CEACAM4: variants seen among roughly 807,000 people sequenced by gnomAD.
The protein encoded by CEACAM4 is CEA cell adhesion molecule 4, also known as cell adhesion molecule CEACAM4.
In CEACAM4, 30 loss-of-function variants were observed where a neutral mutation model predicts 28.7. That is an observed-to-expected ratio of 1.05 (90% CI 0.78 to 1.42). The LOEUF (loss-of-function observed/expected upper bound fraction) is 1.42, where lower values mean the gene tolerates loss of function less well. CEACAM4 is among the 40% of genes most tolerant of loss of function. CEACAM4 has a pLI of 0.00. For missense variants in CEACAM4, 330 were observed against 308.2 expected, an observed-to-expected ratio of 1.07 and a Z score of -0.53; for synonymous variants, 143 against 126.5, an observed-to-expected ratio of 1.13 and a Z score of -0.87.
At chr19:41,617,173 T>C (rs12983687), downstream of CEACAM4, among the ~76,000 whole-genome samples, 57,184 of 151,972 alleles carry the variant, frequency 0.38, 11,079 homozygotes, top group African/African-American at 0.45. Flanking sequence ...CTGATGTCCA[T>C]GAACTATTGA....
Position 41,625,914 on chromosome 19 carries a change from A to G in CEACAM4, c.111T>C (p.Thr37=). The G allele has an allele frequency of 1.2e-6, 2 of 1,613,730 alleles. No homozygotes were observed. The highest frequency in any genetic ancestry group is 1.7e-6 in the Non-Finnish European group (2 of 1,179,790). The change falls in exon 2 of 7, where the codon ACT becomes ACC. Residue 37 remains threonine, a synonymous_variant. Coordinates refer to ENST00000221954, the MANE Select transcript of CEACAM4 (RefSeq NM_001817.4). ...CAGCACTGGACGGCAGGGCTTCAAT[A>G]GTGAACTGGACAGTGGTGGGCGGGT... is the stretch of plus-strand genomic sequence containing the variant. ...FWHPPTTVQF[T]IEALPSSAAE...
chr19:41,626,063 AGTGTGTGTGTGTGTGTGTGTGTGT>A (rs61710351), intron 1 of CEACAM4, 103 bp from the exon 2 acceptor site: 86,378 of 652,396 alleles, frequency 0.13, 3,393 homozygotes, highest in East Asian at 0.34. Context: ...TCAGCCTTGG[AGTGTGTGTGTGTGTGTGTGTGTGT>A]GTGTGTGTGT....
intron 2 of CEACAM4, among the ~76,000 whole-genome samples, chr19:41,622,530 C>T (rs1291008977): frequency 6.6e-6 from 1 of 152,168 alleles, no homozygotes; most frequent in Non-Finnish European, 1.5e-5. Context: ...ACCTACAGCT[C>T]ATCTCATCCT....
rs186620386 is a variant in CEACAM4, at chr19:41,623,301, G to A, written c.425-1533C>T. On this transcript the variant is annotated intron_variant, in intron 2 of 6. Transcript: ENST00000221954. ...CCAAATGCTGGGATTACAGGCATGAGCCACCGCTCCTGGCCCCAGAGTTGT... is the reference window on the plus strand; with the variant it reads ...CCAAATGCTGGGATTACAGGCATGAACCACCGCTCCTGGCCCCAGAGTTGT... Among the ~76,000 whole-genome samples, 342 of 152,232 alleles carry A rather than the reference G, an allele frequency of 2.2e-3. 2 individuals carry two copies. The highest frequency in any genetic ancestry group is 0.016 in the South Asian group (76 of 4,824).
At chr19:41,624,161 TAC>T (rs1555802871) in intron 2 of CEACAM4, among the ~76,000 whole-genome samples, 1 of 152,128 alleles carries the variant, frequency 6.6e-6, no homozygotes, top group East Asian at 1.9e-4. Flanking sequence ...ATAAGAGAAC[TAC>T]AGAGTGTGTG....
rs782557399 is a variant in CEACAM4 at position 41,619,594 on chromosome 19, C to G, written c.669+76G>C. ...CACTGCATTTTCCTGAATCTGAGCTCAGCCAGGTGCTGGTGGGGGCAGATC... is the reference window on the plus strand; with the variant it reads ...CACTGCATTTTCCTGAATCTGAGCTGAGCCAGGTGCTGGTGGGGGCAGATC... On this transcript the variant is annotated intron_variant, in intron 6 of 6. Transcript: ENST00000221954. 9 of 1,562,956 alleles carry G rather than the reference C, an allele frequency of 5.8e-6. No individual in the cohort carries two copies. In the Admixed American group the frequency reaches 7.8e-5, roughly 14 times the overall value.
At chr19:41,618,071 T>C (rs74451127), downstream of CEACAM4, among the ~76,000 whole-genome samples, 1,368 of 120,246 alleles carry the variant, frequency 0.011, 24 homozygotes, top group African/African-American at 0.038. Flanking sequence ...AGCTCACTTG[T>C]GGGAAGGTGG....
At chr19:41,621,823 C>A in intron 2 of CEACAM4, 55 bp from the exon 3 acceptor site, 2 of 1,032,074 alleles carry the variant, frequency 1.9e-6, no homozygotes, top group Non-Finnish European at 3.0e-6. Context: ...CAAGGGAAAC[C>A]ATAAGAGGCA....
In CEACAM4 at chr19:41,621,676, AAC is replaced by A; in HGVS notation, c.515_516del (p.Cys172PhefsTer15). On this transcript the variant is annotated frameshift_variant, in exon 3 of 7. Transcript: ENST00000221954. LOFTEE classifies it high-confidence loss of function. Reference sequence around the variant, plus strand: ...CTTCCAGTCCTGGAGAGAAGCAGAAAACACACCAGGGCGGCCACCAGAGCCAC... The same window carrying A: ...CTTCCAGTCCTGGAGAGAAGCAGAAAACACCAGGGCGGCCACCAGAGCCAC... ...VGVALVAALV[C>X]FLLLSRTGRA... 1.2e-6 allele frequency: 2 copies of A among 1,609,310 alleles called. No individual in the cohort carries two copies. The highest frequency in any genetic ancestry group is 1.7e-6 in the Non-Finnish European group (2 of 1,175,702).
Position 41,626,891 on chromosome 19 carries a change from T to C in CEACAM4, c.64+9A>G, listed in dbSNP as rs782161586. 1 of 1,610,864 alleles carries C rather than the reference T, an allele frequency of 6.2e-7. No homozygotes were observed. Among genetic ancestry groups the C allele is most frequent in the Admixed American group, 1.7e-5 (1 of 59,872 alleles). On this transcript the variant is annotated intron_variant, in intron 1 of 6. Transcript: ENST00000221954. ...TCTTCCCACCACTCCCAGAGAGTCC[T>C]CCCCTCACCTGTGATCAGGAGCCCC...
intron 2 of CEACAM4, 105 bp downstream of exon 2, chr19:41,625,496 G>A: frequency 1.5e-6 from 2 of 1,371,582 alleles, no homozygotes; most frequent in Admixed American, 4.5e-5. Flanking sequence ...TCTCAACACG[G>A]GACAAAATGC....
downstream of CEACAM4, among the ~76,000 whole-genome samples, chr19:41,614,629 T>C (rs2070965773): frequency 6.6e-6 from 1 of 152,204 alleles, no homozygotes; most frequent in Non-Finnish European, 1.5e-5. Flanking sequence ...TTAATAGCCC[T>C]GTGGTAGACC....
rs139833578 is a variant in CEACAM4, at chr19:41,619,340, A to G, written c.725T>C (p.Val242Ala). ...AGCTCCCAGAGGAACCTAAGAGACC[A>G]CATCTGCTTTGTGGTCGATCTGGCA... ...IYCQIDHKAD[V>A]VS The change falls in exon 7 of 7, where the codon GTG (valine) becomes GCG (alanine). Residue 242 changes from valine (V) to alanine (A), a missense_variant. Transcript: ENST00000221954. 1.4e-4 allele frequency: 223 copies of G among 1,613,856 alleles called. No homozygotes were observed. The highest frequency in any genetic ancestry group is 1.8e-4 in the Non-Finnish European group (213 of 1,179,856).
intron 4 of CEACAM4, 106 bp from the exon 5 acceptor site, chr19:41,620,348 C>G: frequency 8.9e-7 from 1 of 1,127,342 alleles, no homozygotes; most frequent in South Asian, 1.8e-5. Flanking sequence ...GGAGAGGGAG[C>G]CTCTTCCCAG....
At chr19:41,625,422 G>A in intron 2 of CEACAM4, 179 bp downstream of exon 2, 3 of 782,604 alleles carry the variant, frequency 3.8e-6, no homozygotes, top group South Asian at 1.8e-5. Flanking sequence ...CCTGGATGCA[G>A]GAAAGGAATT....
chr19:41,619,550 C>T, intron 6 of CEACAM4, 120 bp downstream of exon 6: 2 of 1,543,730 alleles, frequency 1.3e-6, no homozygotes, highest in Non-Finnish European at 1.8e-6. Flanking sequence ...CTCTGCTCAC[C>T]ACCACCTGTT....
intron 2 of CEACAM4, 33 bp downstream of exon 2, chr19:41,625,568 G>C: frequency 6.5e-7 from 1 of 1,544,332 alleles, no homozygotes; most frequent in Non-Finnish European, 8.7e-7. Context: ...AGAACTGACC[G>C]CCAGCACCCA....
downstream of CEACAM4, among the ~76,000 whole-genome samples, chr19:41,615,229 G>A (rs1402780137): frequency 6.6e-6 from 1 of 151,974 alleles, no homozygotes; most frequent in Non-Finnish European, 1.5e-5. Flanking sequence ...CACCTGGTTC[G>A]GTGGGATTTC....
intron 6 of CEACAM4, 72 bp from the exon 7 acceptor site, chr19:41,619,467 G>A (rs2071117173): frequency 6.3e-7 from 1 of 1,596,232 alleles, no homozygotes; most frequent in Non-Finnish European, 8.6e-7. Context: ...CCCAGGCTCT[G>A]GGCCCACCCA....
Sources: allele counts gnomAD v4.1 joint callset (sites outside exome capture counted in the v4.1 genomes callset), GRCh38; gene constraint gnomAD v4.1.1; transcripts MANE v1.5; gene names NCBI Gene and HGNC (gene_info 2026-07-23, HGNC 2026-07-21).